Variants in DAB2IP observed in about 807,000 individuals in gnomAD.
The protein encoded by DAB2IP is disabled homolog 2-interacting protein.
Under a neutral mutation model 107.2 loss-of-function variants are expected in DAB2IP, and 28 were observed. The ratio of observed to expected loss-of-function variants is 0.26; its 90% CI spans 0.19 to 0.36. The LOEUF (loss-of-function observed/expected upper bound fraction) is 0.36, where lower values mean the gene tolerates loss of function less well. Ranked by LOEUF, DAB2IP falls within the 10% of genes least tolerant of loss-of-function variation. The pLI, the probability that DAB2IP is intolerant of heterozygous loss-of-function variation, is 1.00. For missense variants in DAB2IP, 1,400 were observed against 1,644.7 expected (o/e 0.85, Z 2.57); for synonymous variants, 755 against 706.4 (o/e 1.07, Z -1.09).
At chr9:121,766,039 G>C in intron 8 of DAB2IP, among the ~76,000 whole-genome samples, 1 of 152,234 alleles carries the variant, frequency 6.6e-6, no homozygotes, top group Non-Finnish European at 1.5e-5. Flanking sequence ...CCAAGGAATA[G>C]TGGTCTATTC....
At chr9:121,606,452 C>T (rs573833781) in intron 1 of DAB2IP, among the ~76,000 whole-genome samples, 63 of 152,244 alleles carry the variant, frequency 4.1e-4, no homozygotes, top group African/African-American at 1.4e-3. Flanking sequence ...CAGAGGGTCC[C>T]CTCCCAGTCC....
chr9:121,692,006 C>T (rs754610385), intron 2 of DAB2IP, among the ~76,000 whole-genome samples: 3 of 152,084 alleles, frequency 2.0e-5, no homozygotes, highest in Non-Finnish European at 4.4e-5. Context: ...TGAAGCCCTG[C>T]GAGAAAAGCA....
At position 121,760,965 on chromosome 9, in the gene DAB2IP, C is replaced by G. The variant is rs1047485756; in HGVS notation, c.1170+526C>G. The stretch of plus-strand genomic sequence containing the variant: ...TAGACACAGTCAAAATTGTACTATT[C>G]GAGGGTTAGCCAGCCCCACCCCAGA... On this transcript the variant is annotated intron_variant, in intron 6 of 15. Coordinates refer to ENST00000408936, the Ensembl canonical transcript of DAB2IP. This position sits in a 1 kb window ranked among gnomAD's most constrained non-coding sequence, Gnocchi z 5.9. Among the ~76,000 whole-genome samples, 1 of 152,176 alleles carries G rather than the reference C, an allele frequency of 6.6e-6. No homozygotes were observed. The highest frequency in any genetic ancestry group is 1.5e-5 in the Non-Finnish European group (1 of 68,022).
At chr9:121,721,046 C>G (rs1266093369) in intron 3 of DAB2IP, among the ~76,000 whole-genome samples, 1 of 152,212 alleles carries the variant, frequency 6.6e-6, no homozygotes, top group African/African-American at 2.4e-5. Context: ...CAAATTTCTC[C>G]TTTTCAGTTT....
intron 3 of DAB2IP, among the ~76,000 whole-genome samples, chr9:121,742,617 A>G (rs1832435231): frequency 6.6e-6 from 1 of 152,106 alleles, no homozygotes; most frequent in Non-Finnish European, 1.5e-5. Flanking sequence ...CCCTTGCCCC[A>G]GGAGAAGCTC....
chr9:121,735,006 C>T (rs555525532), intron 3 of DAB2IP, among the ~76,000 whole-genome samples: 18 of 152,292 alleles, frequency 1.2e-4, no homozygotes, highest in African/African-American at 4.1e-4. Flanking sequence ...TGCTCTGGAG[C>T]CAAAGGGGGC....
At chr9:121,591,535 G>T (rs1225247178) in intron 1 of DAB2IP, among the ~76,000 whole-genome samples, 1 of 151,992 alleles carries the variant, frequency 6.6e-6, no homozygotes, top group Non-Finnish European at 1.5e-5. Context: ...GATCTTGGAG[G>T]CCACATGATG....
rs1183637693 is a variant in DAB2IP at position 121,736,038 on chromosome 9, G to A, written c.363-20975G>A. On this transcript the variant is annotated intron_variant, in intron 3 of 15. Transcript: ENST00000408936. The surrounding 1 kb of genome is among the most constrained non-coding windows in gnomAD (Gnocchi z 4.6). ...GGGTGCTTTCCAGAAGAGAAAACCC[G>A]GGACTGCTGCCTGGGAACCCAGTGC... 6.6e-6 allele frequency among the ~76,000 whole-genome samples: 1 copy of A among 152,216 alleles called. No individual in the cohort carries two copies. Among genetic ancestry groups the A allele is most frequent in the African/African-American group, 2.4e-5 (1 of 41,460 alleles).
intron 1 of DAB2IP, among the ~76,000 whole-genome samples, chr9:121,623,466 A>G (rs1831542657): frequency 6.6e-6 from 1 of 152,116 alleles, no homozygotes; most frequent in Non-Finnish European, 1.5e-5. Flanking sequence ...TCCTGGGTTC[A>G]AGTGATCCTC....
In DAB2IP at chr9:121,782,925, G is replaced by A. The variant is rs527343851; in HGVS notation, c.*427G>A. The A allele has an allele frequency of 1.1e-3, 1,124 of 1,020,952 alleles. 2 individuals are homozygous for A. The highest frequency in any genetic ancestry group is 1.5e-3 in the Admixed American group (29 of 19,682). The allele number at this position is 1,020,952 out of a possible 1,614,324, so 63.2% of individuals were successfully genotyped here. ...GGGCCTACACCTGTGGCTTCCCCTC[G>A]CCTCCTTGGGGGGCCCGGGACTCCC... is the stretch of plus-strand genomic sequence containing the variant. On this transcript the variant is annotated 3_prime_UTR_variant, in exon 16 of 16. Coordinates refer to ENST00000408936, the Ensembl canonical transcript of DAB2IP. This position sits in a 1 kb window ranked among gnomAD's most constrained non-coding sequence, Gnocchi z 6.1.
At chr9:121,657,048 G>A (rs927939797) in intron 1 of DAB2IP, among the ~76,000 whole-genome samples, 13 of 152,234 alleles carry the variant, frequency 8.5e-5, no homozygotes, top group African/African-American at 2.4e-4. Context: ...GAGTGGCCCC[G>A]TTGGCATCTG....
At chr9:121,773,225 A>G in exon 12 of DAB2IP, 3 of 1,560,734 alleles carry the variant, frequency 1.9e-6, no homozygotes, top group Non-Finnish European at 2.6e-6. Flanking sequence ...TGACTGAAAA[A>G]GGCGGGCAGC....
upstream of DAB2IP, among the ~76,000 whole-genome samples, chr9:121,647,132 C>G (rs957825259): frequency 6.6e-6 from 1 of 152,066 alleles, no homozygotes; most frequent in Non-Finnish European, 1.5e-5. Context: ...GTTAAGAAGC[C>G]TTGGGTTTCT....
chr9:121,643,151 C>T (rs1832421542), intron 1 of DAB2IP, among the ~76,000 whole-genome samples: 1 of 152,062 alleles, frequency 6.6e-6, no homozygotes, highest in African/African-American at 2.4e-5. Flanking sequence ...CCCTACCCAT[C>T]AAAATCTGGA....
At chr9:121,623,677 GTTGTT>G (rs377327268) in intron 1 of DAB2IP, among the ~76,000 whole-genome samples, 2 of 151,706 alleles carry the variant, frequency 1.3e-5, no homozygotes, top group African/African-American at 2.4e-5. Context: ...CAGGGTTAAG[GTTGTT>G]TTGTTTTGTT....
chr9:121,745,141 A>T (rs999045657), intron 3 of DAB2IP, among the ~76,000 whole-genome samples: 2 of 152,168 alleles, frequency 1.3e-5, no homozygotes, highest in Non-Finnish European at 2.9e-5. Context: ...TGGCCTTGGG[A>T]AGCCCCTGGA....
In DAB2IP at chr9:121,699,411, C is replaced by G; in HGVS notation, c.315C>G (p.Ile105Met). Reference sequence around the variant, plus strand: ...ACCGCAACCACAGCTTCCGCCACATCCTGCCGGGGTTCCGGAGCGCCGCCG... The same window carrying G: ...ACCGCAACCACAGCTTCCGCCACATGCTGCCGGGGTTCCGGAGCGCCGCCG... The change falls in exon 3 of 16, where the codon ATC becomes ATG. Residue 105 changes from isoleucine to methionine, a missense_variant. Ile to Met is a conservative substitution (Grantham distance 10, BLOSUM62 1). This residue lies in a region of DAB2IP where 283 missense variants were observed against 237.0 expected (regional missense o/e 1.19). Coordinates refer to ENST00000408936, the Ensembl canonical transcript of DAB2IP. The surrounding 1 kb of genome is among the most constrained non-coding windows in gnomAD (Gnocchi z 6.2). 2 of 1,470,660 alleles carry G rather than the reference C, an allele frequency of 1.4e-6. No individual in the cohort carries two copies. Among genetic ancestry groups the G allele is most frequent in the South Asian group, 1.3e-5 (1 of 77,284 alleles). 91.1% of individuals were successfully genotyped at this position (1,470,660 alleles called of 1,614,324 possible).
intron 1 of DAB2IP, among the ~76,000 whole-genome samples, chr9:121,572,743 A>G (rs1481039401): frequency 1.3e-5 from 2 of 151,910 alleles, no homozygotes; most frequent in African/African-American, 2.4e-5. Context: ...AAACAGTGTG[A>G]GGCTGGACAC....
chr9:121,607,711 G>A (rs887565593), intron 1 of DAB2IP, among the ~76,000 whole-genome samples: 1 of 152,200 alleles, frequency 6.6e-6, no homozygotes, highest in African/African-American at 2.4e-5. Flanking sequence ...CCTAGCACAG[G>A]TGCCTCATGG....
Sources: gnomAD v4.1 joint callset for allele counts (sites outside exome capture counted in the v4.1 genomes callset) on GRCh38, gnomAD v4.1.1 for gene constraint, gnomAD v4.1.1 regional missense constraint, Gnocchi (gnomAD v3.1) non-coding constraint, MANE v1.5 for transcripts, NCBI Gene and HGNC (gene_info 2026-07-23, HGNC 2026-07-21) for gene names.